Variants in EIF4G3 observed in about 807,000 individuals in gnomAD.
The protein encoded by EIF4G3 is eukaryotic translation initiation factor 4 gamma 3, also known as eIF-4-gamma 3.
In EIF4G3, 34 loss-of-function variants were observed where a neutral mutation model predicts 186.4. The observed-to-expected ratio is 0.18, with a 90% confidence interval of 0.14 to 0.24. EIF4G3 has a LOEUF of 0.24. Ranked by LOEUF, EIF4G3 falls within the 10% of genes least tolerant of loss-of-function variation. The probability of loss-of-function intolerance (pLI) is 1.00; values close to 1 mark genes in which losing one functional copy is unlikely to be tolerated. For synonymous variants in EIF4G3, 673 were observed against 679.5 expected (o/e 0.99, Z 0.15); for missense variants, 1,536 against 1,948.5 (o/e 0.79, Z 3.99).
At chr1:21,041,295 C>T (rs138576878) in intron 4 of EIF4G3, among the ~76,000 whole-genome samples, 1 of 152,166 alleles carries the variant, frequency 6.6e-6, no homozygotes, top group East Asian at 1.9e-4. Context: ...ACTATGTTGC[C>T]CAGGCTCATC....
chr1:20,989,678 A>C (rs1316048012), intron 7 of EIF4G3, among the ~76,000 whole-genome samples: 1 of 152,044 alleles, frequency 6.6e-6, no homozygotes, highest in African/African-American at 2.4e-5. Flanking sequence ...GCAAAAAAAA[A>C]GTGATTTCCT....
intron 4 of EIF4G3, among the ~76,000 whole-genome samples, chr1:21,020,277 TA>T (rs1486970683): frequency 6.6e-6 from 1 of 152,040 alleles, no homozygotes; most frequent in African/African-American, 2.4e-5. Flanking sequence ...TGCTTGAGCT[TA>T]AAAGTTCAAG....
rs1418940280 is a variant in EIF4G3 at position 21,176,261 on chromosome 1, CGCCGCT to C, written c.-364_-359del. The C allele has an allele frequency of 5.9e-5, 22 of 369,800 alleles. No individual in the cohort carries two copies. Among genetic ancestry groups the C allele is most frequent in the South Asian group, 1.7e-4 (2 of 11,496 alleles). 22.9% of individuals were successfully genotyped at this position (369,800 alleles called of 1,614,324 possible). On this transcript the variant is annotated 5_prime_UTR_variant, in exon 2 of 37. Coordinates refer to ENST00000602326, the MANE Select transcript of EIF4G3 (RefSeq NM_001391906.1). ...CCGCCGCCGCCGCCGCCGCCGCCGC[CGCCGCT>C]GCTGCCGCCGCCGGGTGAGGAGGCG...
intron 4 of EIF4G3, among the ~76,000 whole-genome samples, chr1:21,017,027 C>T (rs1271024845): frequency 6.6e-6 from 1 of 152,030 alleles, no homozygotes; most frequent in African/African-American, 2.4e-5. Context: ...TTCATATCAG[C>T]ATTATTCACA....
chr1:20,996,999 T>TA (rs760690932), intron 7 of EIF4G3, among the ~76,000 whole-genome samples: 14 of 152,190 alleles, frequency 9.2e-5, no homozygotes, highest in Non-Finnish European at 1.9e-4. Flanking sequence ...TTATTTCATT[T>TA]AAAAAATTAA....
At chr1:21,053,408 A>G (rs1351493460) in intron 3 of EIF4G3, among the ~76,000 whole-genome samples, 2 of 130,962 alleles carry the variant, frequency 1.5e-5, no homozygotes, top group Admixed American at 7.6e-5. Flanking sequence ...CCCCGTCTGG[A>G]AGGGAGGTGG....
At chr1:20,987,067 A>G (rs2079735507) in intron 7 of EIF4G3, among the ~76,000 whole-genome samples, 1 of 152,220 alleles carries the variant, frequency 6.6e-6, no homozygotes, top group Non-Finnish European at 1.5e-5. Flanking sequence ...GAAACACTCT[A>G]GAAGCCAGAA....
intron 2 of EIF4G3, among the ~76,000 whole-genome samples, chr1:21,135,844 G>A (rs1057459864): frequency 2.0e-5 from 3 of 152,188 alleles, no homozygotes; most frequent in African/African-American, 7.2e-5. Flanking sequence ...AATAAGTATA[G>A]CATCTACTTT....
intron 12 of EIF4G3, among the ~76,000 whole-genome samples, chr1:20,963,904 G>C (rs1042413879): frequency 6.7e-6 from 1 of 150,186 alleles, no homozygotes; most frequent in East Asian, 1.9e-4. Flanking sequence ...CTCTAGCCTG[G>C]GTGACAGAGT....
chr1:20,895,428 C>T lies in EIF4G3; in HGVS notation c.2073G>A (p.Met691Ile), dbSNP rs772028263. The change falls in exon 17 of 37, where the codon ATG (methionine) becomes ATA (isoleucine). Residue 691 changes from methionine to isoleucine, a missense_variant. Transcript: ENST00000602326. ...DREFLLDFQF[M>I]PACIQKPEGL... ...CCTCTGGTTTTTGTATACAGGCAGG[C>T]ATGAACTGGAAGTCCAGCAGAAACT... The T allele has an allele frequency of 6.2e-7, 1 of 1,614,046 alleles. No individual in the cohort carries two copies. The highest frequency in any genetic ancestry group is 1.7e-5 in the Admixed American group (1 of 60,010).
intron 14 of EIF4G3, among the ~76,000 whole-genome samples, chr1:20,939,368 G>C (rs1372432301): frequency 6.6e-6 from 1 of 152,090 alleles, no homozygotes; most frequent in African/African-American, 2.4e-5. Flanking sequence ...CCACTGAAGA[G>C]TCTATACTCT....
chr1:21,152,963 A>G (rs1370312866), intron 2 of EIF4G3, among the ~76,000 whole-genome samples: 1 of 152,194 alleles, frequency 6.6e-6, no homozygotes, highest in Non-Finnish European at 1.5e-5. Context: ...TAGCCACTGC[A>G]CTCCAGCCTG....
intron 2 of EIF4G3, among the ~76,000 whole-genome samples, chr1:21,168,968 A>G (rs1282632272): frequency 6.6e-6 from 1 of 152,128 alleles, no homozygotes; most frequent in Non-Finnish European, 1.5e-5. Flanking sequence ...GCTTGAGCCC[A>G]AGAGTTCGAG....
intron 19 of EIF4G3, among the ~76,000 whole-genome samples, chr1:20,884,582 CTT>C (rs201886613): frequency 6.6e-6 from 1 of 151,866 alleles, no homozygotes; most frequent in African/African-American, 2.4e-5. Context: ...ACAAAAAAGA[CTT>C]TTTTTTCTTT....
chr1:20,937,741 T>A (rs2095562332), intron 14 of EIF4G3, among the ~76,000 whole-genome samples: 1 of 152,176 alleles, frequency 6.6e-6, no homozygotes, highest in East Asian at 1.9e-4. Flanking sequence ...AACTCCTGGA[T>A]GATTAATGGG....
intron 2 of EIF4G3, among the ~76,000 whole-genome samples, chr1:21,091,367 C>T (rs2096192884): frequency 6.6e-6 from 1 of 151,874 alleles, no homozygotes; most frequent in Non-Finnish European, 1.5e-5. Flanking sequence ...TGCAATGTTG[C>T]CCAGGCTGGT....
At chr1:21,165,828 C>T (rs1290644800) in intron 2 of EIF4G3, among the ~76,000 whole-genome samples, 4 of 151,986 alleles carry the variant, frequency 2.6e-5, no homozygotes, top group African/African-American at 4.8e-5. Flanking sequence ...GTGACTCATA[C>T]GGTATGTGGA....
Position 21,076,464 on chromosome 1 carries a change from T to C in EIF4G3, c.-196+12674A>G, listed in dbSNP as rs567789879. Among the ~76,000 whole-genome samples, 6 of 152,006 alleles carry C rather than the reference T, an allele frequency of 3.9e-5. No individual in the cohort carries two copies. In the East Asian group the frequency reaches 1.2e-3, roughly 29 times the overall value. Reference sequence around the variant, plus strand: ...AAGATATGCCCACTGCACTCCAGCCTGGGAGAGAGAGCAAGATCCCATCTC... The same window carrying C: ...AAGATATGCCCACTGCACTCCAGCCCGGGAGAGAGAGCAAGATCCCATCTC... On this transcript the variant is annotated intron_variant, in intron 3 of 36. Coordinates refer to ENST00000602326, the MANE Select transcript of EIF4G3 (RefSeq NM_001391906.1).
intron 12 of EIF4G3, among the ~76,000 whole-genome samples, chr1:20,967,526 G>A (rs2074960744): frequency 6.6e-6 from 1 of 152,144 alleles, no homozygotes; most frequent in African/African-American, 2.4e-5. Flanking sequence ...GAGGAGTGAT[G>A]AAGAATTATT....
Sources: allele counts gnomAD v4.1 joint callset (sites outside exome capture counted in the v4.1 genomes callset), GRCh38; gene constraint gnomAD v4.1.1; transcripts MANE v1.5; gene names NCBI Gene and HGNC (gene_info 2026-07-23, HGNC 2026-07-21).